The following ARHGEF18 variants were observed in gnomAD, a reference collection of about 807,000 sequenced individuals.
ARHGEF18 encodes Rho/Rac guanine nucleotide exchange factor 18.
A neutral mutation model predicts 155.7 loss-of-function variants in ARHGEF18; 93 were observed. The ratio of observed to expected loss-of-function variants is 0.60; its 90% CI spans 0.50 to 0.71. The LOEUF (loss-of-function observed/expected upper bound fraction) is 0.71. ARHGEF18 is among the 30% of genes least tolerant of loss of function. ARHGEF18 has a pLI of 0.00. For synonymous variants in ARHGEF18, 742 were observed against 753.1 expected (o/e 0.99, Z 0.24); for missense variants, 1,593 against 1,816.1 (o/e 0.88, Z 2.23).
chr19:7,421,098 T>C (rs1005999845), intron 10 of ARHGEF18, among the ~76,000 whole-genome samples: 3 of 150,960 alleles, frequency 2.0e-5, no homozygotes, highest in Non-Finnish European at 4.4e-5. Context: ...ACTCAGCTAA[T>C]TTTTGTATTT....
chr19:7,358,281 C>T (rs1212042286), intron 1 of ARHGEF18, among the ~76,000 whole-genome samples: 3 of 150,842 alleles, frequency 2.0e-5, no homozygotes, highest in African/African-American at 4.9e-5. Context: ...TTCCATCCAT[C>T]CATCCATCCA....
intron 10 of ARHGEF18, among the ~76,000 whole-genome samples, chr19:7,387,086 T>TC (rs1435858546): frequency 6.6e-6 from 1 of 152,102 alleles, no homozygotes; most frequent in Non-Finnish European, 1.5e-5. Context: ...TTGGAAAAGT[T>TC]CGGCAACAAT....
chr19:7,386,234 C>CAAAA (rs539106383), intron 10 of ARHGEF18, among the ~76,000 whole-genome samples: 12 of 108,268 alleles, frequency 1.1e-4, no homozygotes, highest in African/African-American at 3.3e-4. Context: ...TGCTATGTTG[C>CAAAA]AAAAAAAAAA....
intron 10 of ARHGEF18, chr19:7,394,990 CACCACGGCTCGGG>C: frequency 3.2e-6 from 3 of 947,580 alleles, no homozygotes; most frequent in Non-Finnish European, 3.8e-6. Context: ...GACGCCCCCT[CACCACGGCTCGGG>C]GAGCAGCAGC....
At chr19:7,351,509 G>C (rs371130077) in intron 1 of ARHGEF18, among the ~76,000 whole-genome samples, 85 of 151,720 alleles carry the variant, frequency 5.6e-4, no homozygotes, top group African/African-American at 1.9e-3. Context: ...ATTTTTAATA[G>C]AGACGGGGTT....
At chr19:7,446,852 C>T (rs1037907211) in intron 14 of ARHGEF18, among the ~76,000 whole-genome samples, 191 bp from the exon 15 acceptor site, 15 of 148,340 alleles carry the variant, frequency 1.0e-4, no homozygotes, top group South Asian at 2.1e-4. Flanking sequence ...GCCAAGATCG[C>T]GCCATTGCTC....
In ARHGEF18 at chr19:7,441,897, T is replaced by C; in HGVS notation, c.1220-15T>C. On this transcript the variant is annotated splice_polypyrimidine_tract_variant and intron_variant, in intron 12 of 28. Transcript: ENST00000668164. ...GCTCTGGGCCCCCAGCAGCCACACC[T>C]CGCTCTTCCCTCAGATCCCTACACC... 1 of 1,613,852 alleles carries C rather than the reference T, an allele frequency of 6.2e-7. No homozygotes were observed. Among genetic ancestry groups the C allele is most frequent in the Non-Finnish European group, 8.5e-7 (1 of 1,179,904 alleles).
At chr19:7,376,207 C>A (rs745321327) in intron 4 of ARHGEF18, among the ~76,000 whole-genome samples, 1 of 152,120 alleles carries the variant, frequency 6.6e-6, no homozygotes, top group African/African-American at 2.4e-5. Context: ...GCCCTGCAGC[C>A]GGAAGGCAGC....
chr19:7,429,932 T>C (rs1235862231), intron 10 of ARHGEF18, among the ~76,000 whole-genome samples: 3 of 150,486 alleles, frequency 2.0e-5, no homozygotes, highest in Non-Finnish European at 4.4e-5. Context: ...TGGAAGTACT[T>C]TTTTTTTTTA....
At chr19:7,468,719 C>T in intron 26 of ARHGEF18, 106 bp from the exon 27 acceptor site, 1 of 1,265,108 alleles carries the variant, frequency 7.9e-7, no homozygotes, top group Non-Finnish European at 1.1e-6. Flanking sequence ...CTGGCTCTGT[C>T]CAGAACAGGA....
chr19:7,379,114 C>A lies in ARHGEF18; in HGVS notation c.600-8C>A. 11 of 1,232,368 alleles carry A rather than the reference C, an allele frequency of 8.9e-6. No individual in the cohort carries two copies. Among genetic ancestry groups the A allele is most frequent in the Non-Finnish European group, 1.0e-5 (10 of 988,198 alleles). 76.3% of individuals were successfully genotyped at this position (1,232,368 alleles called of 1,614,324 possible). A position where few individuals can be genotyped will look rare whatever the true frequency, so the allele number is the denominator to read the frequency against. The stretch of plus-strand genomic sequence containing the variant: ...TGGGCTGTTCTAATCCCACCTCCAC[C>A]CCCACAGGCTGATTGTCCAGCAGGT... On this transcript the variant is annotated splice_polypyrimidine_tract_variant and splice_region_variant and intron_variant, in intron 6 of 28. Coordinates refer to ENST00000668164, the MANE Select transcript of ARHGEF18 (RefSeq NM_001367823.1).
chr19:7,453,868 A>G (rs1975659905), intron 17 of ARHGEF18, among the ~76,000 whole-genome samples, 153 bp downstream of exon 17: 1 of 150,174 alleles, frequency 6.7e-6, no homozygotes, highest in Non-Finnish European at 1.5e-5. Flanking sequence ...ATTGGTGGGT[A>G]CTCTCTTGAT....
chr19:7,451,090 C>G (rs146358185), intron 15 of ARHGEF18, 59 bp from the exon 16 acceptor site: 4 of 1,313,568 alleles, frequency 3.0e-6, no homozygotes, highest in Non-Finnish European at 4.0e-6. Context: ...GATGTTAATA[C>G]AGGATCTTGC....
chr19:7,389,300 G>A (rs1032835790), intron 10 of ARHGEF18, among the ~76,000 whole-genome samples: 1 of 148,910 alleles, frequency 6.7e-6, no homozygotes, highest in East Asian at 2.0e-4. Flanking sequence ...AGAAGTGCAT[G>A]CCATCATACC....
At chr19:7,371,353 T>C (rs1214332378) in intron 2 of ARHGEF18, among the ~76,000 whole-genome samples, 1 of 152,120 alleles carries the variant, frequency 6.6e-6, no homozygotes, top group East Asian at 1.9e-4. Flanking sequence ...GCAATGGGAA[T>C]GTGCTTAATG....
intron 15 of ARHGEF18, among the ~76,000 whole-genome samples, chr19:7,447,499 A>C (rs894424119): frequency 1.3e-5 from 2 of 149,954 alleles, no homozygotes; most frequent in Non-Finnish European, 3.0e-5. Context: ...GTCTCAAAAA[A>C]AACAAAAACA....
At chr19:7,355,659 C>T (rs556441002) in intron 1 of ARHGEF18, 7 of 985,474 alleles carry the variant, frequency 7.1e-6, no homozygotes, top group African/African-American at 5.2e-5. Flanking sequence ...CACTCCTGGC[C>T]GGCCTTCTCC....
At chr19:7,360,312 T>C (rs1484993104) in intron 1 of ARHGEF18, among the ~76,000 whole-genome samples, 1 of 151,910 alleles carries the variant, frequency 6.6e-6, no homozygotes, top group East Asian at 1.9e-4. Context: ...CTCAGTTCAC[T>C]GCATCCTGCC....
In ARHGEF18 at chr19:7,426,486, C is replaced by CAAAAA. The variant is rs760020542; in HGVS notation, c.968-13846_968-13842dup. Among the ~76,000 whole-genome samples the CAAAAA allele has an allele frequency of 7.9e-5, 8 of 100,752 alleles. 1 individual carries two copies. Among genetic ancestry groups the CAAAAA allele is most frequent in the African/African-American group, 7.7e-5 (2 of 26,130 alleles). The allele number at this position is 100,752 out of a possible 152,430, so 66.1% of individuals were successfully genotyped here. On this transcript the variant is annotated intron_variant, in intron 10 of 28. Transcript: ENST00000668164. ...TGGGCGACAAAGTGAGACTCTGTCT[C>CAAAAA]AAAAAAAAAAAAAAAAGAAAAAAAG...
Sources: gnomAD v4.1 joint callset for allele counts (sites outside exome capture counted in the v4.1 genomes callset) on GRCh38, gnomAD v4.1.1 for gene constraint, MANE v1.5 for transcripts, NCBI Gene and HGNC (gene_info 2026-07-23, HGNC 2026-07-21) for gene names.